The following MAVS variants were observed in gnomAD, a reference collection of about 807,000 sequenced individuals.
MAVS encodes the protein mitochondrial antiviral signaling protein.
MAVS carries 20 observed loss-of-function variants against 30.2 expected under a neutral mutation model. That is an observed-to-expected ratio of 0.66 (90% confidence interval 0.47 to 0.96). The LOEUF is 0.96. Among genes scored for constraint, MAVS ranks in the 40% least tolerant of loss-of-function variants. The pLI is 0.00. For missense variants in MAVS, 624 were observed against 701.1 expected (o/e 0.89, Z 1.24); for synonymous variants, 278 against 293.9 (o/e 0.95, Z 0.55).
Position 3,876,024 on chromosome 20 carries a change from A to C in MAVS, c.*9877A>C, listed in dbSNP as rs145416333. 4 of 152,436 alleles carry C rather than the reference A, an allele frequency of 2.6e-5. No homozygotes were observed. The highest frequency in any genetic ancestry group is 2.1e-4 in the South Asian group (1 of 4,828). The allele number at this position is 152,436 out of a possible 1,614,324, so 9.4% of individuals were successfully genotyped here. A position where few individuals can be genotyped will look rare whatever the true frequency, so the allele number is the denominator to read the frequency against. ...TGGTAATTGGTGAAAGAATTACTTT[A>C]ATTTTTTTTCCTACTTGCTGTCATG... On this transcript the variant is annotated 3_prime_UTR_variant, in exon 7 of 7. Coordinates refer to ENST00000428216, the MANE Select transcript of MAVS (RefSeq NM_020746.5).
In MAVS at chr20:3,866,065, G is replaced by C; in HGVS notation, c.1541G>C (p.Gly514Ala). 2 of 1,612,058 alleles carry C rather than the reference G, an allele frequency of 1.2e-6. No individual in the cohort carries two copies. The highest frequency in any genetic ancestry group is 1.7e-6 in the Non-Finnish European group (2 of 1,179,826). Reference protein sequence around the residue: ...REVPCHRPSPGALWLQVAVTG... With the variant: ...REVPCHRPSPAALWLQVAVTG... ...GTGCCATGCCACAGGCCCTCACCTGGGGCTCTGTGGCTCCAGGTGGCTGTG... is the reference window on the plus strand; with the variant it reads ...GTGCCATGCCACAGGCCCTCACCTGCGGCTCTGTGGCTCCAGGTGGCTGTG... The change falls in exon 7 of 7, where the codon GGG becomes GCG. Residue 514 changes from glycine (G) to alanine (A), a missense_variant. Transcript: ENST00000428216.
At chr20:3,856,578 C>T (rs1056262026) in intron 2 of MAVS, among the ~76,000 whole-genome samples, 4 of 151,946 alleles carry the variant, frequency 2.6e-5, no homozygotes, top group Non-Finnish European at 5.9e-5. Flanking sequence ...TCTTGAACTC[C>T]TGACCTTGTG....
intron 3 of MAVS, among the ~76,000 whole-genome samples, chr20:3,859,706 G>A (rs755480125): frequency 8.9e-4 from 136 of 151,984 alleles, no homozygotes; most frequent in Admixed American, 3.6e-3. Context: ...CTGACACGGC[G>A]TGGGTGACTA....
chr20:3,858,057 G>A (rs564906324), intron 3 of MAVS: 14 of 538,654 alleles, frequency 2.6e-5, no homozygotes, highest in Non-Finnish European at 4.1e-5. Context: ...AGCATCTGCC[G>A]CGGGGAGCTG....
Position 3,866,336 on chromosome 20 carries a change from A to T in MAVS, c.*189A>T, listed in dbSNP as rs758881071. The T allele has an allele frequency of 1.6e-6, 1 of 612,506 alleles. No individual in the cohort carries two copies. The highest frequency in any genetic ancestry group is 2.8e-6 in the Non-Finnish European group (1 of 358,010). The allele number at this position is 612,506 out of a possible 1,614,324, so 37.9% of individuals were successfully genotyped here. ...TCCTGAGAGCAGCATCTCTGTCCCC[A>T]CGGTGCCTTGTGTGGGTCCCCGTCC... On this transcript the variant is annotated 3_prime_UTR_variant, in exon 7 of 7. Transcript: ENST00000428216.
intron 1 of MAVS, among the ~76,000 whole-genome samples, chr20:3,850,566 G>T (rs2089751043): frequency 7.0e-6 from 1 of 142,250 alleles, no homozygotes; most frequent in Non-Finnish European, 1.5e-5. Flanking sequence ...CTCCAGCCTG[G>T]GCAAAAAGAG....
rs897916300 is a variant in MAVS at position 3,872,713 on chromosome 20, G to A, written c.*6566G>A. Reference sequence around the variant, plus strand: ...TTAAAGGAGTTACCTATGCCAGATCGAAGGCCTAAGATGATTAAGACACTA... The same window carrying A: ...TTAAAGGAGTTACCTATGCCAGATCAAAGGCCTAAGATGATTAAGACACTA... On this transcript the variant is annotated 3_prime_UTR_variant, in exon 7 of 7. Coordinates refer to ENST00000428216, the MANE Select transcript of MAVS (RefSeq NM_020746.5). 5.9e-5 allele frequency: 9 copies of A among 152,368 alleles called. No homozygotes were observed. Among genetic ancestry groups the A allele is most frequent in the African/African-American group, 1.4e-4 (6 of 41,460 alleles). The allele number at this position is 152,368 out of a possible 1,614,324, so 9.4% of individuals were successfully genotyped here.
rs751897047 is a variant in MAVS, at chr20:3,857,770, G to C, written c.253G>C (p.Ala85Pro). ...ALRGCELVDLADEVASVYQSY... is the reference protein window; with the variant it reads ...ALRGCELVDLPDEVASVYQSY... Reference sequence around the variant, plus strand: ...GAGGGGCTGTGAGCTAGTTGATCTCGCGGACGAAGTGGCCTCTGTCTACCA... The same window carrying C: ...GAGGGGCTGTGAGCTAGTTGATCTCCCGGACGAAGTGGCCTCTGTCTACCA... Residue 85 changes from alanine (A) to proline (P), a missense_variant, in exon 3 of 7, where the codon GCG becomes CCG. Transcript: ENST00000428216. 1.2e-6 allele frequency: 2 copies of C among 1,614,086 alleles called. No individual in the cohort carries two copies. Among genetic ancestry groups the C allele is most frequent in the Admixed American group, 1.7e-5 (1 of 60,006 alleles).
At chr20:3,856,303 C>G (rs1472448754) in intron 2 of MAVS, among the ~76,000 whole-genome samples, 1 of 151,586 alleles carries the variant, frequency 6.6e-6, no homozygotes, top group Non-Finnish European at 1.5e-5. Context: ...ATCCACCCGC[C>G]TCGGCCTCCC....
At chr20:3,854,357 G>A (rs1473497470) in intron 1 of MAVS, among the ~76,000 whole-genome samples, 1 of 147,026 alleles carries the variant, frequency 6.8e-6, no homozygotes, top group African/African-American at 2.5e-5. Context: ...CCCAGGAGGC[G>A]GAGGTTGCAG....
chr20:3,851,031 C>G (rs1228077511), intron 1 of MAVS, among the ~76,000 whole-genome samples: 3 of 150,104 alleles, frequency 2.0e-5, no homozygotes, highest in South Asian at 4.2e-4. Context: ...CTAAAAAATA[C>G]AAAAATTGGC....
At chr20:3,857,489 C>G (rs1376103563) in intron 2 of MAVS, 146 bp from the exon 3 acceptor site, 2 of 886,172 alleles carry the variant, frequency 2.3e-6, no homozygotes, top group Non-Finnish European at 3.4e-6. Context: ...ATACCTGGCC[C>G]TGTCCTGGGC....
At chr20:3,851,936 C>G (rs1232022842) in intron 1 of MAVS, among the ~76,000 whole-genome samples, 2 of 150,070 alleles carry the variant, frequency 1.3e-5, no homozygotes, top group African/African-American at 5.0e-5. Flanking sequence ...GCCTGGGCAA[C>G]AAGAGTCTGG....
rs999261113 is a variant in MAVS, at chr20:3,857,689, C to T, written c.172C>T (p.Leu58Phe). 9 of 1,614,110 alleles carry T rather than the reference C, an allele frequency of 5.6e-6. No homozygotes were observed. Among genetic ancestry groups the T allele is most frequent in the Admixed American group, 1.7e-5 (1 of 60,012 alleles). The part of the protein sequence containing the change: ...LSGNRDTLWH[L>F]FNTLQRRPGW... ...AGGGAACCGGGACACCCTCTGGCATCTCTTCAATACCCTTCAGCGGCGGCC... is the reference window on the plus strand; with the variant it reads ...AGGGAACCGGGACACCCTCTGGCATTTCTTCAATACCCTTCAGCGGCGGCC... The change falls in exon 3 of 7, where the codon CTC becomes TTC. Residue 58 changes from leucine (L) to phenylalanine (F), a missense_variant. Coordinates refer to ENST00000428216, the MANE Select transcript of MAVS (RefSeq NM_020746.5).
chr20:3,847,459 A>G (rs2089718612), intron 1 of MAVS, among the ~76,000 whole-genome samples: 1 of 152,218 alleles, frequency 6.6e-6, no homozygotes, highest in South Asian at 2.1e-4. Flanking sequence ...GCCTCTGGAC[A>G]GTCAGGTCGG....
At chr20:3,859,696 C>A (rs541795570) in intron 3 of MAVS, among the ~76,000 whole-genome samples, 8 of 152,104 alleles carry the variant, frequency 5.3e-5, no homozygotes, top group African/African-American at 1.9e-4. Context: ...AGAGTGACTG[C>A]TGACACGGCG....
chr20:3,852,511 G>T lies in MAVS; in HGVS notation c.-67-2047G>T, dbSNP rs2089770223. The stretch of plus-strand genomic sequence containing the variant: ...TTTAGGTATAGCCCTCTTGCTATCA[G>T]CTTGAGGGCCTTAGAGCCAGGAAGG... On this transcript the variant is annotated intron_variant, in intron 1 of 6. Coordinates refer to ENST00000428216, the MANE Select transcript of MAVS (RefSeq NM_020746.5). Among the ~76,000 whole-genome samples the T allele has an allele frequency of 2.0e-5, 3 of 152,060 alleles. No homozygotes were observed. The South Asian group carries it at 6.2e-4, about 32-fold the overall frequency.
chr20:3,866,262 G>A lies in MAVS; in HGVS notation c.*115G>A, dbSNP rs2089908236. 3.0e-6 allele frequency: 3 copies of A among 1,012,172 alleles called. No individual in the cohort carries two copies. In the African/African-American group the frequency reaches 4.9e-5, roughly 16 times the overall value. The allele number at this position is 1,012,172 out of a possible 1,614,324, so 62.7% of individuals were successfully genotyped here. A position where few individuals can be genotyped will look rare whatever the true frequency, so the allele number is the denominator to read the frequency against. On this transcript the variant is annotated 3_prime_UTR_variant, in exon 7 of 7. Coordinates refer to ENST00000428216, the MANE Select transcript of MAVS (RefSeq NM_020746.5). ...ATTGTGGAGGCTGGGTCAGAGGGGAGTTAAGGGACTGCAGGCCTGGCAGCA... is the reference window on the plus strand; with the variant it reads ...ATTGTGGAGGCTGGGTCAGAGGGGAATTAAGGGACTGCAGGCCTGGCAGCA...
chr20:3,871,605 C>T lies in MAVS; in HGVS notation c.*5458C>T, dbSNP rs2089956332. ...GCAAGATTCAAACTCCGTAGCATGTCTCCTGCTCCCATCTCTTAGGAATGG... is the reference window on the plus strand; with the variant it reads ...GCAAGATTCAAACTCCGTAGCATGTTTCCTGCTCCCATCTCTTAGGAATGG... On this transcript the variant is annotated 3_prime_UTR_variant, in exon 7 of 7. Coordinates refer to ENST00000428216, the MANE Select transcript of MAVS (RefSeq NM_020746.5). 1 of 152,386 alleles carries T rather than the reference C, an allele frequency of 6.6e-6. No homozygotes were observed. Among genetic ancestry groups the T allele is most frequent in the Non-Finnish European group, 1.5e-5 (1 of 68,070 alleles). The allele number at this position is 152,386 out of a possible 1,614,324, so 9.4% of individuals were successfully genotyped here. A position where few individuals can be genotyped will look rare whatever the true frequency, so the allele number is the denominator to read the frequency against.
Sources: gnomAD v4.1 joint callset for allele counts (sites outside exome capture counted in the v4.1 genomes callset) on GRCh38, gnomAD v4.1.1 for gene constraint, MANE v1.5 for transcripts, NCBI Gene and HGNC (gene_info 2026-07-23, HGNC 2026-07-21) for gene names.